Variants in CPNE8 observed in about 807,000 individuals in gnomAD.
CPNE8 encodes the protein copine-8.
A neutral mutation model predicts 81.5 loss-of-function variants in CPNE8; 45 were observed. That is an observed-to-expected ratio of 0.55 (90% CI 0.44 to 0.71). The LOEUF is 0.71. Among genes scored for constraint, CPNE8 ranks in the 30% least tolerant of loss-of-function variants. The probability of loss-of-function intolerance (pLI) is 0.00; values close to 1 mark genes in which losing one functional copy is unlikely to be tolerated. For missense variants in CPNE8, 594 were observed against 672.1 expected (o/e 0.88, Z 1.28); for synonymous variants, 252 against 226.3 (o/e 1.11, Z -1.02).
At chr12:38,806,910 A>G (rs1354763007) in intron 6 of CPNE8, among the ~76,000 whole-genome samples, 1 of 151,194 alleles carries the variant, frequency 6.6e-6, no homozygotes, top group East Asian at 2.0e-4. Flanking sequence ...CAGTCTCAGG[A>G]TACAAAATCA....
intron 14 of CPNE8, among the ~76,000 whole-genome samples, chr12:38,701,918 A>C (rs826887): frequency 0.11 from 16,044 of 152,264 alleles, 1,059 homozygotes; most frequent in East Asian, 0.25. Context: ...GTCTGGTCTT[A>C]TCTGTAGTTC....
intron 10 of CPNE8, among the ~76,000 whole-genome samples, chr12:38,735,905 T>C (rs534322390): frequency 7.1e-4 from 108 of 151,904 alleles, no homozygotes; most frequent in African/African-American, 2.0e-3. Context: ...ATATATAAGA[T>C]ATGTATCAAT....
chr12:38,780,669 A>C (rs1942031606), intron 6 of CPNE8, among the ~76,000 whole-genome samples: 1 of 152,148 alleles, frequency 6.6e-6, no homozygotes, highest in Admixed American at 6.6e-5. Context: ...ACTTGGAAGC[A>C]ACACTGGAAA....
chr12:38,657,530 C>T (rs955935295), intron 19 of CPNE8, among the ~76,000 whole-genome samples: 1 of 152,172 alleles, frequency 6.6e-6, no homozygotes, highest in African/African-American at 2.4e-5. Context: ...CAGTGGTTCT[C>T]CCAGCACGGC....
intron 13 of CPNE8, among the ~76,000 whole-genome samples, chr12:38,719,343 C>T (rs1178953442): frequency 6.6e-6 from 1 of 152,058 alleles, no homozygotes; most frequent in African/African-American, 2.4e-5. Flanking sequence ...GTGGCTCATT[C>T]CTGTGATTCC....
chr12:38,793,455 G>A (rs1044635859), intron 6 of CPNE8, among the ~76,000 whole-genome samples: 1 of 151,620 alleles, frequency 6.6e-6, no homozygotes, highest in Admixed American at 6.6e-5. Context: ...AGGAAATTAA[G>A]ATAATTTCAT....
rs539101981 is a variant in CPNE8, at chr12:38,668,092, C to T, written c.1506+2637G>A. Among the ~76,000 whole-genome samples, 3 of 152,316 alleles carry T rather than the reference C, an allele frequency of 2.0e-5. No individual in the cohort carries two copies. The East Asian group carries it at 5.8e-4, about 29-fold the overall frequency. Reference sequence around the variant, plus strand: ...GGGATTACAGGCATGAGCCACTGTGCCCGGTTGGATTCTGACTTTCAAGAA... The same window carrying T: ...GGGATTACAGGCATGAGCCACTGTGTCCGGTTGGATTCTGACTTTCAAGAA... On this transcript the variant is annotated intron_variant, in intron 19 of 19. Coordinates refer to ENST00000331366, the MANE Select transcript of CPNE8 (RefSeq NM_153634.3).
At chr12:38,681,549 C>T (rs1939409326) in intron 16 of CPNE8, among the ~76,000 whole-genome samples, 1 of 152,074 alleles carries the variant, frequency 6.6e-6, no homozygotes, top group Non-Finnish European at 1.5e-5. Flanking sequence ...CTATAAATCC[C>T]ACTTATTTAA....
intron 6 of CPNE8, among the ~76,000 whole-genome samples, chr12:38,801,717 T>C (rs201458427): frequency 0.092 from 5,403 of 58,850 alleles, 423 homozygotes; most frequent in East Asian, 0.41. Flanking sequence ...ACTGGCAAGT[T>C]GGATAAAGAG....
chr12:38,696,293 C>A (rs946209247), intron 14 of CPNE8, among the ~76,000 whole-genome samples: 5 of 151,756 alleles, frequency 3.3e-5, no homozygotes, highest in Admixed American at 3.3e-4. Flanking sequence ...ATGTCTCACA[C>A]ATACTAGACA....
chr12:38,755,275 G>A (rs1419600243), intron 10 of CPNE8, among the ~76,000 whole-genome samples: 5 of 152,024 alleles, frequency 3.3e-5, no homozygotes, highest in African/African-American at 4.8e-5. Flanking sequence ...GTTCACAAGC[G>A]GGGATTTTAT....
intron 1 of CPNE8, among the ~76,000 whole-genome samples, chr12:38,884,798 C>T (rs1944215403): frequency 6.6e-6 from 1 of 151,972 alleles, no homozygotes; most frequent in Non-Finnish European, 1.5e-5. Flanking sequence ...GCCTAACATC[C>T]ATTGTAATTA....
At chr12:38,895,840 A>C (rs1268318710) in intron 1 of CPNE8, among the ~76,000 whole-genome samples, 1 of 152,162 alleles carries the variant, frequency 6.6e-6, no homozygotes, top group Admixed American at 6.6e-5. Context: ...GAACAACATA[A>C]TATAGCTAAT....
chr12:38,681,025 A>C (rs1173894642), intron 16 of CPNE8, among the ~76,000 whole-genome samples: 1 of 152,036 alleles, frequency 6.6e-6, no homozygotes, highest in Non-Finnish European at 1.5e-5. Context: ...AGGAAACAAA[A>C]GACTAATAGG....
At position 38,822,778 on chromosome 12, in the gene CPNE8, T is replaced by C. The variant is rs541293763; in HGVS notation, c.407+6601A>G. On this transcript the variant is annotated intron_variant, in intron 6 of 19. Transcript: ENST00000331366. ...TGACCCATAGACATAAAAAAAAGTA[T>C]AGATGTAAAAACGGCCTAATATTGC... Among the ~76,000 whole-genome samples the C allele has an allele frequency of 8.5e-5, 13 of 152,200 alleles. No individual in the cohort carries two copies. The East Asian group carries it at 1.2e-3, about 14-fold the overall frequency.
chr12:38,857,610 A>G (rs1943762894), intron 3 of CPNE8, among the ~76,000 whole-genome samples: 1 of 152,190 alleles, frequency 6.6e-6, no homozygotes, highest in African/African-American at 2.4e-5. Flanking sequence ...TACAAACCAA[A>G]AATTAAAAAT....
chr12:38,798,505 ATGT>A (rs1260208655), intron 6 of CPNE8, among the ~76,000 whole-genome samples: 3 of 152,150 alleles, frequency 2.0e-5, no homozygotes, highest in Non-Finnish European at 2.9e-5. Flanking sequence ...ATGCTGAGAG[ATGT>A]TGTCACCACC....
At chr12:38,716,864 G>A (rs1940407124) in intron 13 of CPNE8, among the ~76,000 whole-genome samples, 1 of 152,042 alleles carries the variant, frequency 6.6e-6, no homozygotes, top group East Asian at 1.9e-4. Flanking sequence ...CCCACACAGT[G>A]GGAGAAAATA....
At chr12:38,807,048 T>C (rs1333010100) in intron 6 of CPNE8, among the ~76,000 whole-genome samples, 1 of 152,094 alleles carries the variant, frequency 6.6e-6, no homozygotes, top group Admixed American at 6.6e-5. Context: ...TTACAAGGGA[T>C]GTGAAGGACC....
Sources: gnomAD v4.1 joint callset for allele counts (sites outside exome capture counted in the v4.1 genomes callset) on GRCh38, gnomAD v4.1.1 for gene constraint, MANE v1.5 for transcripts, NCBI Gene and HGNC (gene_info 2026-07-23, HGNC 2026-07-21) for gene names.